Variants in HERC3 observed in about 807,000 individuals in gnomAD.
HERC3 encodes the protein HECT and RLD domain containing E3 ubiquitin protein ligase 3, also known as probable E3 ubiquitin-protein ligase HERC3.
HERC3 carries 58 observed loss-of-function variants against 129.9 expected under a neutral mutation model. The ratio of observed to expected loss-of-function variants is 0.45; its 90% CI spans 0.36 to 0.56. The LOEUF (loss-of-function observed/expected upper bound fraction) is 0.56. Among genes scored for constraint, HERC3 ranks in the 20% least tolerant of loss-of-function variants. HERC3 has a pLI of 0.00. For missense variants in HERC3, 835 were observed against 1,244.2 expected (o/e 0.67, Z 4.95); for synonymous variants, 430 against 451.0 (o/e 0.95, Z 0.59).
chr4:88,546,747 T>A, the HERC3 span, among the ~76,000 whole-genome samples: 1 of 152,220 alleles, frequency 6.6e-6, no homozygotes, highest in African/African-American at 2.4e-5. Flanking sequence ...CAGATGATTG[T>A]TTTTATTTTT....
At chr4:88,661,664 T>G (rs1730504456) in intron 10 of HERC3, among the ~76,000 whole-genome samples, 1 of 152,252 alleles carries the variant, frequency 6.6e-6, no homozygotes, top group Admixed American at 6.5e-5. Flanking sequence ...ATGTTTTTTT[T>G]CTTTAATCTC....
intron 19 of HERC3, among the ~76,000 whole-genome samples, chr4:88,678,652 A>G (rs773778389): frequency 6.6e-6 from 1 of 152,234 alleles, no homozygotes; most frequent in South Asian, 2.1e-4. Flanking sequence ...AATGTTTGGT[A>G]CACAGTAGGT....
At chr4:88,678,187 A>G in intron 19 of HERC3, 53 bp downstream of exon 19, 5 of 1,498,848 alleles carry the variant, frequency 3.3e-6, no homozygotes, top group Non-Finnish European at 4.6e-6. Flanking sequence ...TTCTTTGAAC[A>G]GTGTTGATTA....
chr4:88,648,553 A>G (rs973571498), intron 3 of HERC3, among the ~76,000 whole-genome samples: 3 of 152,180 alleles, frequency 2.0e-5, no homozygotes, highest in Non-Finnish European at 1.5e-5. Flanking sequence ...TCTGAGAAGT[A>G]TGATGCCATT....
At chr4:88,674,990 T>TA (rs1228854073) in intron 16 of HERC3, among the ~76,000 whole-genome samples, 2 of 152,226 alleles carry the variant, frequency 1.3e-5, no homozygotes, top group Non-Finnish European at 2.9e-5. Flanking sequence ...ACTGATATAG[T>TA]ACAATTATAA....
intron 3 of HERC3, among the ~76,000 whole-genome samples, chr4:88,610,492 A>T (rs1368708611): frequency 6.7e-6 from 1 of 150,324 alleles, no homozygotes; most frequent in Non-Finnish European, 1.5e-5. Flanking sequence ...CCCGTCTGGG[A>T]ATACAGCCTA....
At chr4:88,588,298 G>T (rs1001643932), upstream of HERC3, among the ~76,000 whole-genome samples, 1 of 152,168 alleles carries the variant, frequency 6.6e-6, no homozygotes, top group Admixed American at 6.5e-5. Context: ...TTATTTGATG[G>T]TAATACTGAT....
chr4:88,596,524 G>A (rs1465204222), intron 2 of HERC3, among the ~76,000 whole-genome samples: 1 of 152,224 alleles, frequency 6.6e-6, no homozygotes, highest in East Asian at 1.9e-4. Context: ...GTACTCTGCT[G>A]AGAATGGAAG....
At chr4:88,602,527 G>C (rs112418346) in intron 2 of HERC3, among the ~76,000 whole-genome samples, 3,195 of 152,122 alleles carry the variant, frequency 0.021, 38 homozygotes, top group Non-Finnish European at 0.029. Context: ...ACCCAGGCTG[G>C]AGTGCAGCAG....
Position 88,664,139 on chromosome 4 carries a change from T to G in HERC3, c.1272-14T>G. 1.2e-6 allele frequency: 2 copies of G among 1,607,058 alleles called. No individual in the cohort carries two copies. Among genetic ancestry groups the G allele is most frequent in the Middle Eastern group, 1.7e-4 (1 of 6,030 alleles). On this transcript the variant is annotated splice_polypyrimidine_tract_variant and intron_variant, in intron 11 of 25. Transcript: ENST00000402738. ...TTATTAAAGGCTTCCCCCTCCCTTC[T>G]TTTCTTTGAGCAGTGGTGTTGTTCA...
At chr4:88,527,649 C>A in the HERC3 span, 8 of 282,458 alleles carry the variant, frequency 2.8e-5, no homozygotes, top group South Asian at 3.0e-4. Context: ...TCCATAAGCT[C>A]CCCTCCCTCA....
chr4:88,690,821 CCTT>C (rs1349102135), intron 23 of HERC3, among the ~76,000 whole-genome samples: 1 of 152,116 alleles, frequency 6.6e-6, no homozygotes, highest in Non-Finnish European at 1.5e-5. Flanking sequence ...CTGTCTTTCT[CCTT>C]ATTCAACAGA....
At chr4:88,704,863 C>CTTTTTTT (rs1165694315) in intron 25 of HERC3, among the ~76,000 whole-genome samples, 2 of 130,672 alleles carry the variant, frequency 1.5e-5, no homozygotes, top group African/African-American at 6.0e-5. Context: ...TTCTTTCTTT[C>CTTTTTTT]TTTTTTTTTT....
intron 16 of HERC3, among the ~76,000 whole-genome samples, chr4:88,671,760 G>A (rs749193765): frequency 4.6e-5 from 7 of 152,138 alleles, no homozygotes; most frequent in Non-Finnish European, 1.0e-4. Context: ...ATGAGCTCAA[G>A]TGATTCACCA....
chr4:88,680,202 A>C lies in HERC3; in HGVS notation c.2306A>C (p.Tyr769Ser), dbSNP rs761433139. ...LNPIYGMFTY[Y>S]QDSNLLWFSD... ...CCCATCTATGGAATGTTTACCTACT[A>C]TCAAGATTCAAATCTCTTGTGGTTT... is the stretch of plus-strand genomic sequence containing the variant. The change falls in exon 20 of 26, where the codon TAT (tyrosine) becomes TCT (serine). Residue 769 changes from tyrosine to serine, a missense_variant. Transcript: ENST00000402738. The C allele has an allele frequency of 3.1e-6, 5 of 1,610,204 alleles. No homozygotes were observed. The highest frequency in any genetic ancestry group is 4.2e-6 in the Non-Finnish European group (5 of 1,178,632).
At chr4:88,628,758 T>A (rs925471255) in intron 3 of HERC3, among the ~76,000 whole-genome samples, 1 of 152,200 alleles carries the variant, frequency 6.6e-6, no homozygotes, top group South Asian at 2.1e-4. Context: ...CAGTTTAAAA[T>A]AGTATAAAAC....
chr4:88,548,310 C>A, the HERC3 span, among the ~76,000 whole-genome samples: 2 of 152,158 alleles, frequency 1.3e-5, no homozygotes, highest in African/African-American at 2.4e-5. Context: ...TTTATCTCTA[C>A]CAGCAGTATA....
At chr4:88,578,448 G>A in the HERC3 span, among the ~76,000 whole-genome samples, 3 of 151,920 alleles carry the variant, frequency 2.0e-5, no homozygotes, top group African/African-American at 4.8e-5. Context: ...TGGGTGTGGA[G>A]GGGGGCGCCT....
intron 5 of HERC3, 60 bp from the exon 6 acceptor site, chr4:88,652,809 T>G: frequency 1.3e-6 from 2 of 1,518,262 alleles, no homozygotes; most frequent in Non-Finnish European, 1.8e-6. Context: ...ATAACTAGAT[T>G]ATTTTTGTGT....
Sources: allele counts gnomAD v4.1 joint callset (sites outside exome capture counted in the v4.1 genomes callset), GRCh38; gene constraint gnomAD v4.1.1; transcripts MANE v1.5; gene names NCBI Gene and HGNC (gene_info 2026-07-23, HGNC 2026-07-21).